FLT4: variants seen among roughly 807,000 people sequenced by gnomAD.
FLT4 encodes the protein vascular endothelial growth factor receptor 3.
A neutral mutation model predicts 163.2 loss-of-function variants in FLT4; 30 were observed. The observed-to-expected ratio is 0.18, with a 90% confidence interval of 0.14 to 0.25. FLT4 has a LOEUF of 0.25. Among genes scored for constraint, FLT4 ranks in the 10% least tolerant of loss-of-function variants. The pLI, the probability that FLT4 is intolerant of heterozygous loss-of-function variation, is 1.00. For missense variants in FLT4, 1,510 were observed against 1,863.8 expected (o/e 0.81, Z 3.50); for synonymous variants, 884 against 789.5 (o/e 1.12, Z -2.01).
At chr5:180,640,761 C>T (rs1055942183) in intron 1 of FLT4, among the ~76,000 whole-genome samples, 1 of 152,232 alleles carries the variant, frequency 6.6e-6, no homozygotes, top group Non-Finnish European at 1.5e-5. Flanking sequence ...GCGTGTCCTG[C>T]GTCCCTTGTT....
intron 1 of FLT4, among the ~76,000 whole-genome samples, chr5:180,644,347 C>G (rs1159292488): frequency 6.6e-6 from 1 of 152,168 alleles, no homozygotes; most frequent in Non-Finnish European, 1.5e-5. Context: ...GTGTGGTGGA[C>G]CTGGGGGAAA....
At chr5:180,607,413 G>T (rs1024518276) in intron 29 of FLT4, among the ~76,000 whole-genome samples, 1 of 152,018 alleles carries the variant, frequency 6.6e-6, no homozygotes, top group African/African-American at 2.4e-5. Context: ...GAGGGCGGGC[G>T]GATCACGAGG....
chr5:180,621,376 G>A, intron 13 of FLT4, 124 bp from the exon 14 acceptor site: 1 of 1,399,266 alleles, frequency 7.1e-7, no homozygotes. Context: ...GCGCCGGGCA[G>A]GAGCGCGGCG....
At chr5:180,617,936 A>C (rs1762794001) in intron 21 of FLT4, among the ~76,000 whole-genome samples, 1 of 32,330 alleles carries the variant, frequency 3.1e-5, no homozygotes, top group Admixed American at 2.6e-4. Context: ...CTCCCAGAGC[A>C]CCCTCTCCTG....
Position 180,618,917 on chromosome 5 carries a change from T to C in FLT4, c.2854A>G (p.Lys952Glu). The C allele has an allele frequency of 6.3e-7, 1 of 1,585,200 alleles. No homozygotes were observed. Among genetic ancestry groups the C allele is most frequent in the Non-Finnish European group, 8.6e-7 (1 of 1,166,642 alleles). Residue 952 changes from lysine (K) to glutamate (E), a missense_variant, in exon 21 of 30, where the codon AAG becomes GAG. By Grantham distance (56) the Lys-to-Glu change is moderately conservative (BLOSUM62 1). This residue lies in a region of FLT4 where 878 missense variants were observed against 1,016.7 expected (regional missense o/e 0.86). Transcript: ENST00000261937. ...AAGCGTCCGCGCTGCTCGGGAGACTTCTCCTGCGGATGCACGAAGCTGGCT... is the reference window on the plus strand; with the variant it reads ...AAGCGTCCGCGCTGCTCGGGAGACTCCTCCTGCGGATGCACGAAGCTGGCT... ...KRDAFSPCAE[K>E]SPEQRGRFRA... is the part of the protein sequence containing the mutation.
At chr5:180,624,809 C>T (rs1198527617) in intron 10 of FLT4, among the ~76,000 whole-genome samples, 1 of 152,240 alleles carries the variant, frequency 6.6e-6, no homozygotes, top group Non-Finnish European at 1.5e-5. Flanking sequence ...GCATCCCCAG[C>T]AAGCTTGGCC....
chr5:180,624,716 C>G (rs1259262154), intron 10 of FLT4, among the ~76,000 whole-genome samples: 1 of 152,222 alleles, frequency 6.6e-6, no homozygotes, highest in Non-Finnish European at 1.5e-5. Context: ...CAGCACAGTC[C>G]CATGCTGCCC....
Position 180,601,837 on chromosome 5 carries a change from G to A in FLT4, c.*1355C>T, listed in dbSNP as rs888791189. ...GAGTAACGCGCAGTGGGGGAGGTGG[G>A]GAGGGGAGGGTCGGCCGGGCAAGCC... On this transcript the variant is annotated 3_prime_UTR_variant, in exon 30 of 30. Transcript: ENST00000261937. 8.6e-6 allele frequency: 2 copies of A among 233,338 alleles called. No individual in the cohort carries two copies. The highest frequency in any genetic ancestry group is 1.2e-4 in the East Asian group (2 of 16,568). 14.5% of individuals were successfully genotyped at this position (233,338 alleles called of 1,614,324 possible). A position where few individuals can be genotyped will look rare whatever the true frequency, so the allele number is the denominator to read the frequency against.
chr5:180,620,537 C>T lies in FLT4; in HGVS notation c.2406+72G>A. 1 of 1,336,036 alleles carries T rather than the reference C, an allele frequency of 7.5e-7. No individual in the cohort carries two copies. Among genetic ancestry groups the T allele is most frequent in the Non-Finnish European group, 1.1e-6 (1 of 935,396 alleles). The allele number at this position is 1,336,036 out of a possible 1,614,324, so 82.8% of individuals were successfully genotyped here. A position where few individuals can be genotyped will look rare whatever the true frequency, so the allele number is the denominator to read the frequency against. ...GGTGAACTAGGGCGGGCACCTTATT[C>T]TTTATCTTAGGGGCGGCCAGGGTGG... On this transcript the variant is annotated intron_variant, in intron 16 of 29. Transcript: ENST00000261937. This position sits in a 1 kb window ranked among gnomAD's most constrained non-coding sequence, Gnocchi z 4.4.
At chr5:180,633,084 G>A (rs962454015) in intron 1 of FLT4, among the ~76,000 whole-genome samples, 1 of 152,106 alleles carries the variant, frequency 6.6e-6, no homozygotes, top group Non-Finnish European at 1.5e-5. Context: ...AGCTAACGGG[G>A]GTGGGGTGGA....
rs566928970 is a variant in FLT4, at chr5:180,628,762, T to C, written c.1103+120A>G. The C allele has an allele frequency of 1.3e-4, 91 of 726,380 alleles. 1 individual carries two copies. In the South Asian group the frequency reaches 1.3e-3, roughly 11 times the overall value. 45.0% of individuals were successfully genotyped at this position (726,380 alleles called of 1,614,324 possible). On this transcript the variant is annotated intron_variant, in intron 8 of 29. Coordinates refer to ENST00000261937, the MANE Select transcript of FLT4 (RefSeq NM_182925.5). ...GGTCTCCTGAGAGAGGCCCCCGCCA[T>C]GCCTGGTCTCCGTGTGCAGGTCCTG... is the stretch of plus-strand genomic sequence containing the variant.
At chr5:180,608,885 G>A in intron 29 of FLT4, 83 bp downstream of exon 29, 4 of 1,195,978 alleles carry the variant, frequency 3.3e-6, no homozygotes, top group African/African-American at 1.5e-5. Flanking sequence ...GAAGAGGGCT[G>A]GGCACACCCA....
chr5:180,625,343 C>T (rs571057304), intron 10 of FLT4, among the ~76,000 whole-genome samples: 1 of 152,316 alleles, frequency 6.6e-6, no homozygotes, highest in South Asian at 2.1e-4. Context: ...CTGTTGCTTA[C>T]AGCTGTGCCC....
In FLT4 at chr5:180,608,995, C is replaced by A; in HGVS notation, c.3866G>T (p.Ser1289Ile). The A allele has an allele frequency of 1.2e-6, 2 of 1,614,196 alleles. No homozygotes were observed. Among genetic ancestry groups the A allele is most frequent in the Non-Finnish European group, 1.7e-6 (2 of 1,180,020 alleles). The part of the protein sequence containing the change: ...LASEEFEQIE[S>I]RHRQESGFSC... The stretch of plus-strand genomic sequence containing the variant: ...GAAGCCGCTTTCTTGTCTATGCCTG[C>A]TCTCTATCTGCTCAAACTCCTCCGA... The change falls in exon 29 of 30, where the codon AGC becomes ATC. Residue 1289 changes from serine to isoleucine, a missense_variant. Physicochemically the swap from Ser to Ile is moderately radical, Grantham distance 142 (BLOSUM62 -2). Transcript: ENST00000261937.
chr5:180,603,679 C>T (rs1014475656), intron 29 of FLT4, among the ~76,000 whole-genome samples: 17 of 152,054 alleles, frequency 1.1e-4, no homozygotes, highest in Admixed American at 3.3e-4. Context: ...CCGAGGCGGG[C>T]GGATCACGAG....
At position 180,630,675 on chromosome 5, in the gene FLT4, T is replaced by C. The variant is rs764813513; in HGVS notation, c.280A>G (p.Lys94Glu). The C allele has an allele frequency of 6.2e-7, 1 of 1,613,028 alleles. No individual in the cohort carries two copies. Among genetic ancestry groups the C allele is most frequent in the African/African-American group, 1.3e-5 (1 of 74,906 alleles). The change falls in exon 3 of 30, where the codon AAG (lysine) becomes GAG (glutamate). Residue 94 changes from lysine (K) to glutamate (E), a missense_variant. Lys to Glu is a moderately conservative substitution (Grantham distance 56, BLOSUM62 1). Coordinates refer to ENST00000261937, the MANE Select transcript of FLT4 (RefSeq NM_182925.5). This position sits in a 1 kb window ranked among gnomAD's most constrained non-coding sequence, Gnocchi z 6.3. ...TGTACCTCGTGCAGCAGCAACACCT[T>C]GCAGTAGGGCCTGGCGTCTGTGCCC... ...CEGTDARPYC[K>E]VLLLHEVHAN...
chr5:180,606,480 G>T (rs554224249), intron 29 of FLT4, among the ~76,000 whole-genome samples: 2 of 152,160 alleles, frequency 1.3e-5, no homozygotes, highest in African/African-American at 4.8e-5. Flanking sequence ...AGGCTCAGCC[G>T]TGCGGGTCCT....
Position 180,623,017 on chromosome 5 carries a change from G to C in FLT4, c.1549-178C>G, listed in dbSNP as rs1763286922. 1.3e-5 allele frequency among the ~76,000 whole-genome samples: 2 copies of C among 152,150 alleles called. No homozygotes were observed. The highest frequency in any genetic ancestry group is 2.9e-5 in the Non-Finnish European group (2 of 68,016). On this transcript the variant is annotated intron_variant, in intron 11 of 29. Coordinates refer to ENST00000261937, the MANE Select transcript of FLT4 (RefSeq NM_182925.5). This position sits in a 1 kb window ranked among gnomAD's most constrained non-coding sequence, Gnocchi z 5.8. Reference sequence around the variant, plus strand: ...GGGATAGTGAGGCAGAGGAGAGAAGGCCCCTGGGCAGCAGAGAGAGGTAGC... The same window carrying C: ...GGGATAGTGAGGCAGAGGAGAGAAGCCCCCTGGGCAGCAGAGAGAGGTAGC...
At position 180,618,752 on chromosome 5, in the gene FLT4, A is replaced by C. The variant is rs771078394; in HGVS notation, c.3001+18T>G. Reference sequence around the variant, plus strand: ...GGCCCGTCAGGCACTAGGAAAAGGGAAGAGGCCAGGCTCTCACCTTCTTGG... The same window carrying C: ...GGCCCGTCAGGCACTAGGAAAAGGGCAGAGGCCAGGCTCTCACCTTCTTGG... On this transcript the variant is annotated intron_variant, in intron 21 of 29. Transcript: ENST00000261937. 1 of 1,581,210 alleles carries C rather than the reference A, an allele frequency of 6.3e-7. No homozygotes were observed.
Sources: gnomAD v4.1 joint callset for allele counts (sites outside exome capture counted in the v4.1 genomes callset) on GRCh38, gnomAD v4.1.1 for gene constraint, gnomAD v4.1.1 regional missense constraint, Gnocchi (gnomAD v3.1) non-coding constraint, MANE v1.5 for transcripts, NCBI Gene and HGNC (gene_info 2026-07-23, HGNC 2026-07-21) for gene names.